LINGO2: variants seen among roughly 807,000 people sequenced by gnomAD.
LINGO2 encodes the protein leucine-rich repeat and immunoglobulin-like domain-containing nogo receptor-interacting protein 2.
A neutral mutation model predicts 30.6 loss-of-function variants in LINGO2; 14 were observed. That is an observed-to-expected ratio of 0.46 (90% CI 0.30 to 0.72). LINGO2 has a LOEUF of 0.72. Among genes scored for constraint, LINGO2 ranks in the 30% least tolerant of loss-of-function variants. The pLI is 0.07. For missense variants in LINGO2, 729 were observed against 751.7 expected (o/e 0.97, Z 0.35); for synonymous variants, 317 against 288.5 (o/e 1.10, Z -1.00).
intron 3 of LINGO2, among the ~76,000 whole-genome samples, chr9:28,297,516 AAGAAAGGC>A (rs763253811): frequency 1.9e-4 from 29 of 152,332 alleles, no homozygotes; most frequent in Non-Finnish European, 3.7e-4. Context: ...TCTTGTAACC[AAGAAAGGC>A]AGCAATATTA....
At chr9:28,631,120 CATTT>C (rs908357207) in intron 1 of LINGO2, among the ~76,000 whole-genome samples, 8 of 151,780 alleles carry the variant, frequency 5.3e-5, no homozygotes, top group East Asian at 3.9e-4. Flanking sequence ...ATCAATGCTA[CATTT>C]ATTTATTTAT....
At chr9:28,290,355 A>G (rs574824798) in intron 4 of LINGO2, among the ~76,000 whole-genome samples, 1 of 152,250 alleles carries the variant, frequency 6.6e-6, no homozygotes, top group South Asian at 2.1e-4. Flanking sequence ...ACGCCTCACC[A>G]TTGCAGTGCA....
the LINGO2 span, among the ~76,000 whole-genome samples, chr9:28,979,429 T>G: frequency 6.6e-6 from 1 of 151,998 alleles, no homozygotes; most frequent in South Asian, 2.1e-4. Context: ...ACAAAAAATG[T>G]CCACTTCAAT....
chr9:28,786,277 C>T, the LINGO2 span, among the ~76,000 whole-genome samples: 1 of 152,124 alleles, frequency 6.6e-6, no homozygotes, highest in South Asian at 2.1e-4. Context: ...TCCTTAATTG[C>T]ATTTTAGTCC....
chr9:28,424,228 G>A (rs969200318), intron 2 of LINGO2, among the ~76,000 whole-genome samples: 1 of 152,108 alleles, frequency 6.6e-6, no homozygotes, highest in African/African-American at 2.4e-5. Flanking sequence ...AAACTAGGCT[G>A]GTTTTTCAGC....
At position 28,632,873 on chromosome 9, in the gene LINGO2, TATATATGTAGAGAGAGAG is replaced by T. The variant is rs1827057082; in HGVS notation, c.-365+37309_-365+37326del. 6.0e-5 allele frequency among the ~76,000 whole-genome samples: 6 copies of T among 100,500 alleles called. 1 individual carries two copies. The highest frequency in any genetic ancestry group is 3.7e-4 in the Admixed American group (3 of 8,168). The allele number at this position is 100,500 out of a possible 152,430, so 65.9% of individuals were successfully genotyped here. On this transcript the variant is annotated intron_variant, in intron 1 of 5. Transcript: ENST00000379992. ...TATATTTTTTATATATATATATATATATATATGTAGAGAGAGAGAGAGAGAGAGAGAGAGAGAGAGGAG... is the reference window on the plus strand; with the variant it reads ...TATATTTTTTATATATATATATATATAGAGAGAGAGAGAGAGAGAGAGGAG...
intron 2 of LINGO2, among the ~76,000 whole-genome samples, chr9:28,384,540 A>G (rs1055901462): frequency 6.6e-6 from 1 of 151,420 alleles, no homozygotes; most frequent in Non-Finnish European, 1.5e-5. Context: ...TTTTCCCACT[A>G]TTTTTAAAAC....
At chr9:28,305,746 G>A (rs1473136951) in intron 3 of LINGO2, among the ~76,000 whole-genome samples, 1 of 151,842 alleles carries the variant, frequency 6.6e-6, no homozygotes, top group Non-Finnish European at 1.5e-5. Flanking sequence ...AATTCTGTTG[G>A]GATTGTGATT....
chr9:28,675,087 A>G (rs1344096176), upstream of LINGO2, among the ~76,000 whole-genome samples: 3 of 152,204 alleles, frequency 2.0e-5, no homozygotes, highest in African/African-American at 7.2e-5. Context: ...GTACCTAGAT[A>G]TGATACCTAG....
chr9:28,675,524 T>C, the LINGO2 span, among the ~76,000 whole-genome samples: 10 of 152,116 alleles, frequency 6.6e-5, no homozygotes, highest in African/African-American at 1.4e-4. Context: ...ATATTAACTT[T>C]TAAACAAACA....
intron 1 of LINGO2, among the ~76,000 whole-genome samples, chr9:28,576,637 T>C (rs1254246955): frequency 6.6e-6 from 1 of 152,174 alleles, no homozygotes; most frequent in Non-Finnish European, 1.5e-5. Context: ...CCATAGTTTT[T>C]AGGATTTTTT....
At chr9:28,025,586 C>T (rs1010830410) in intron 4 of LINGO2, among the ~76,000 whole-genome samples, 2 of 151,980 alleles carry the variant, frequency 1.3e-5, no homozygotes, top group Non-Finnish European at 2.9e-5. Context: ...TGGTTTTTCT[C>T]AAAAGGAGTC....
chr9:28,157,649 G>A (rs1055931960), intron 4 of LINGO2, among the ~76,000 whole-genome samples: 2 of 152,030 alleles, frequency 1.3e-5, no homozygotes, highest in African/African-American at 4.8e-5. Context: ...GAACTTTTAT[G>A]TTCTGCTATC....
the LINGO2 span, among the ~76,000 whole-genome samples, chr9:28,947,978 G>A: frequency 1.3e-5 from 2 of 151,962 alleles, no homozygotes; most frequent in East Asian, 1.9e-4. Context: ...TCTTTCAGTA[G>A]TGCTCAGCTA....
chr9:28,537,536 AT>A (rs1821488227), intron 1 of LINGO2, among the ~76,000 whole-genome samples: 1 of 151,756 alleles, frequency 6.6e-6, no homozygotes, highest in Non-Finnish European at 1.5e-5. Flanking sequence ...GGAATGCTGG[AT>A]AAAGTAAATA....
chr9:28,948,871 G>C, the LINGO2 span, among the ~76,000 whole-genome samples: 1 of 151,568 alleles, frequency 6.6e-6, no homozygotes, highest in Non-Finnish European at 1.5e-5. Context: ...CTATTTTTAC[G>C]AATACAGTAA....
At chr9:28,248,466 G>T (rs1251328708) in intron 4 of LINGO2, among the ~76,000 whole-genome samples, 1 of 152,152 alleles carries the variant, frequency 6.6e-6, no homozygotes, top group Non-Finnish European at 1.5e-5. Flanking sequence ...GGTTGGAATG[G>T]GTCATAGGGT....
At chr9:29,160,551 C>T in the LINGO2 span, among the ~76,000 whole-genome samples, 4 of 152,148 alleles carry the variant, frequency 2.6e-5, no homozygotes, top group Admixed American at 6.5e-5. Flanking sequence ...TTATCCTGCT[C>T]AAGTTTCTCT....
intron 1 of LINGO2, among the ~76,000 whole-genome samples, chr9:28,484,837 G>C (rs1428009027): frequency 6.6e-6 from 1 of 152,080 alleles, no homozygotes; most frequent in Non-Finnish European, 1.5e-5. Context: ...GTGTCAGAGA[G>C]AGACATCATC....
Sources: gnomAD v4.1 joint callset for allele counts (sites outside exome capture counted in the v4.1 genomes callset) on GRCh38, gnomAD v4.1.1 for gene constraint, MANE v1.5 for transcripts, NCBI Gene and HGNC (gene_info 2026-07-23, HGNC 2026-07-21) for gene names.